KCNQ5: variants seen among roughly 807,000 people sequenced by gnomAD.
KCNQ5 encodes the protein potassium voltage-gated channel subfamily KQT member 5.
In KCNQ5, 30 loss-of-function variants were observed where a neutral mutation model predicts 98.2. That is an observed-to-expected ratio of 0.31 (90% CI 0.23 to 0.41). KCNQ5 has a LOEUF of 0.41. KCNQ5 is among the 10% of genes least tolerant of loss of function. The pLI is 1.00. For missense variants in KCNQ5, 835 were observed against 1,182.5 expected (o/e 0.71, Z 4.31); for synonymous variants, 458 against 449.4 (o/e 1.02, Z -0.24).
rs190360110 is a variant in KCNQ5, at chr6:72,820,296, C to G, written c.399-183612C>G. Among the ~76,000 whole-genome samples the G allele has an allele frequency of 4.6e-5, 7 of 152,234 alleles. No individual in the cohort carries two copies. In the East Asian group the frequency reaches 1.4e-3, roughly 29 times the overall value. ...ACTGAGGGACAAAGAGGTTAAATCA[C>G]TTGGATGAGTCATCCAACTGGTGAG... On this transcript the variant is annotated intron_variant, in intron 1 of 13. Transcript: ENST00000370398.
intron 13 of KCNQ5, among the ~76,000 whole-genome samples, 171 bp from the exon 14 acceptor site, chr6:73,194,281 C>T (rs187567046): frequency 3.3e-5 from 5 of 152,280 alleles, no homozygotes; most frequent in Admixed American, 3.3e-4. Flanking sequence ...TCCTCTGGCC[C>T]CATCATTGCT....
At chr6:72,855,058 A>T (rs575748958) in intron 1 of KCNQ5, among the ~76,000 whole-genome samples, 1 of 152,048 alleles carries the variant, frequency 6.6e-6, no homozygotes, top group Non-Finnish European at 1.5e-5. Context: ...ATTATCACAC[A>T]TTAGAAAAGA....
At chr6:72,745,303 A>G (rs921701801) in intron 1 of KCNQ5, among the ~76,000 whole-genome samples, 4 of 152,216 alleles carry the variant, frequency 2.6e-5, no homozygotes, top group African/African-American at 7.2e-5. Context: ...CTATTTATTA[A>G]TTGATTGAAT....
intron 1 of KCNQ5, among the ~76,000 whole-genome samples, chr6:72,658,480 C>T (rs1201716518): frequency 6.8e-6 from 1 of 147,304 alleles, no homozygotes; most frequent in Non-Finnish European, 1.5e-5. Context: ...GGGGTTTCAT[C>T]ATGTTGGCCA....
At chr6:72,736,654 C>T (rs9293903) in intron 1 of KCNQ5, among the ~76,000 whole-genome samples, 44,838 of 146,582 alleles carry the variant, frequency 0.31, 8,113 homozygotes, top group East Asian at 0.51. Flanking sequence ...CGCCCGCCAC[C>T]ACGCCCGGCT....
intron 1 of KCNQ5, among the ~76,000 whole-genome samples, chr6:72,901,891 G>A (rs935493891): frequency 6.6e-6 from 1 of 152,032 alleles, no homozygotes; most frequent in Non-Finnish European, 1.5e-5. Context: ...AAGAATGATG[G>A]TGGTATTTTG....
At position 73,196,626 on chromosome 6, in the gene KCNQ5, A is replaced by G. The variant is rs1001461336; in HGVS notation, c.*1212A>G. On this transcript the variant is annotated 3_prime_UTR_variant, in exon 14 of 14. Coordinates refer to ENST00000370398, the MANE Select transcript of KCNQ5 (RefSeq NM_019842.4). ...CTATTATGTGTACATTTTGCATATG[A>G]AAGTCTAAAACGAAACTTCCTTTAC... 2.6e-5 allele frequency: 4 copies of G among 152,198 alleles called. No homozygotes were observed. The highest frequency in any genetic ancestry group is 9.6e-5 in the African/African-American group (4 of 41,454). 9.4% of individuals were successfully genotyped at this position (152,198 alleles called of 1,614,324 possible). A position where few individuals can be genotyped will look rare whatever the true frequency, so the allele number is the denominator to read the frequency against.
chr6:72,977,879 A>G (rs1034280099), intron 1 of KCNQ5, among the ~76,000 whole-genome samples: 7 of 152,158 alleles, frequency 4.6e-5, no homozygotes, highest in Admixed American at 1.3e-4. Flanking sequence ...TTTATTCACT[A>G]TTATACCTTC....
chr6:73,138,668 T>C (rs1776576769), intron 10 of KCNQ5, among the ~76,000 whole-genome samples: 1 of 152,224 alleles, frequency 6.6e-6, no homozygotes, highest in African/African-American at 2.4e-5. Flanking sequence ...TCCTCAGTGC[T>C]CATGTTAGCT....
In KCNQ5 at chr6:73,194,655, T is replaced by C; in HGVS notation, c.2040T>C (p.Thr680=). 1.2e-6 allele frequency: 2 copies of C among 1,614,226 alleles called. No individual in the cohort carries two copies. Among genetic ancestry groups the C allele is most frequent in the Non-Finnish European group, 8.5e-7 (1 of 1,180,036 alleles). The change falls in exon 14 of 14, where the codon ACT becomes ACC. Residue 680 remains threonine, a synonymous_variant. Coordinates refer to ENST00000370398, the MANE Select transcript of KCNQ5 (RefSeq NM_019842.4). The part of the protein sequence containing the change: ...AQNSGCLSRS[T]SANISRGLQF... The stretch of plus-strand genomic sequence containing the variant: ...ACAGTGGCTGCTTATCCAGATCAAC[T>C]AGTGCCAACATCTCGAGAGGCCTGC...
At position 72,949,862 on chromosome 6, in the gene KCNQ5, T is replaced by A. The variant is rs571319294; in HGVS notation, c.399-54046T>A. Among the ~76,000 whole-genome samples, 80 of 152,308 alleles carry A rather than the reference T, an allele frequency of 5.3e-4. 1 individual carries two copies. The highest frequency in any genetic ancestry group is 1.8e-3 in the African/African-American group (73 of 41,556). On this transcript the variant is annotated intron_variant, in intron 1 of 13. Transcript: ENST00000370398. ...CTCCCCCAATAAACTAAATTTTTTT[T>A]AAATGGTTATCAATTTAATGCTATA...
At chr6:72,724,698 G>T (rs1368652725) in intron 1 of KCNQ5, among the ~76,000 whole-genome samples, 3 of 152,164 alleles carry the variant, frequency 2.0e-5, no homozygotes, top group African/African-American at 7.2e-5. Flanking sequence ...CTTGGCCACT[G>T]TGCATGAGTG....
At chr6:72,986,836 C>T (rs532971086) in intron 1 of KCNQ5, 3 of 1,080,414 alleles carry the variant, frequency 2.8e-6, no homozygotes, top group African/African-American at 3.1e-5. Context: ...GGGCCCAGGA[C>T]CCCACAGCCC....
At chr6:73,011,313 A>T (rs894711210) in intron 2 of KCNQ5, among the ~76,000 whole-genome samples, 2 of 152,112 alleles carry the variant, frequency 1.3e-5, no homozygotes, top group Admixed American at 6.6e-5. Context: ...GACCCATGGA[A>T]TAGAATAGAA....
intron 1 of KCNQ5, among the ~76,000 whole-genome samples, chr6:72,828,330 T>G (rs530850043): frequency 4.6e-5 from 7 of 152,160 alleles, no homozygotes; most frequent in Non-Finnish European, 1.0e-4. Context: ...GAATTGTCAT[T>G]TCAACAATAT....
chr6:72,987,571 C>G (rs892787196), intron 1 of KCNQ5: 27 of 630,890 alleles, frequency 4.3e-5, no homozygotes, highest in Non-Finnish European at 7.0e-5. Context: ...CAACATAGCC[C>G]TCAGCAAGAA....
At chr6:73,140,875 C>T (rs1776676005) in intron 10 of KCNQ5, among the ~76,000 whole-genome samples, 1 of 151,960 alleles carries the variant, frequency 6.6e-6, no homozygotes, top group Admixed American at 6.6e-5. Context: ...TTATTCAGTC[C>T]CTCAGGCATC....
chr6:73,135,103 C>G (rs1233072665), intron 10 of KCNQ5: 1 of 152,128 alleles, frequency 6.6e-6, no homozygotes, highest in Non-Finnish European at 1.5e-5. Context: ...CCTACCAATT[C>G]TATTTCTAGG....
At chr6:72,908,160 CAAATACACAG>C (rs1210194731) in intron 1 of KCNQ5, among the ~76,000 whole-genome samples, 3 of 151,732 alleles carry the variant, frequency 2.0e-5, no homozygotes, top group Admixed American at 2.0e-4. Flanking sequence ...AAAAAGAGCT[CAAATACACAG>C]AAATAGAAAA....
Sources: allele counts gnomAD v4.1 joint callset (sites outside exome capture counted in the v4.1 genomes callset), GRCh38; gene constraint gnomAD v4.1.1; transcripts MANE v1.5; gene names NCBI Gene and HGNC (gene_info 2026-07-23, HGNC 2026-07-21).